MRTO4: variants seen among roughly 807,000 people sequenced by gnomAD.
MRTO4 encodes mRNA turnover protein 4 homolog.
MRTO4 carries 7 observed loss-of-function variants against 28.6 expected under a neutral mutation model. The observed-to-expected ratio is 0.24, with a 90% CI of 0.14 to 0.46. The LOEUF is 0.46. Ranked by LOEUF, MRTO4 falls within the 20% of genes least tolerant of loss-of-function variation. The pLI, the probability that MRTO4 is intolerant of heterozygous loss-of-function variation, is 0.99. For missense variants in MRTO4, 302 were observed against 298.3 expected, an observed-to-expected ratio of 1.01 and a Z score of -0.09; for synonymous variants, 113 against 108.2, an observed-to-expected ratio of 1.04 and a Z score of -0.27.
chr1:19,252,062 G>A (rs2093661965), intron 1 of MRTO4, 199 bp downstream of exon 1: 3 of 747,606 alleles, frequency 4.0e-6, no homozygotes, highest in East Asian at 2.9e-5. Flanking sequence ...GGTCGGGTCT[G>A]GGGAGCGGAG....
At chr1:19,252,084 C>G (rs992730984) in intron 1 of MRTO4, 2 of 639,306 alleles carry the variant, frequency 3.1e-6, no homozygotes, top group Admixed American at 6.7e-5. Flanking sequence ...CTCGTTTTGC[C>G]TAGTTTCAGG....
chr1:19,253,239 G>A (rs764677829), intron 1 of MRTO4, among the ~76,000 whole-genome samples: 1 of 152,214 alleles, frequency 6.6e-6, no homozygotes, highest in African/African-American at 2.4e-5. Flanking sequence ...AAGAAAGGAA[G>A]CGAGCAACCT....
rs1380357457 is a variant in MRTO4, at chr1:19,251,858, A to C, written c.23A>C (p.Lys8Thr). The C allele has an allele frequency of 1.7e-5, 27 of 1,591,906 alleles. No homozygotes were observed. The East Asian group carries it at 5.7e-4, about 34-fold the overall frequency. Residue 8 changes from lysine (K) to threonine (T), a missense_variant, in exon 1 of 8, where the codon AAG (lysine) becomes ACG (threonine). Coordinates refer to ENST00000330263, the MANE Select transcript of MRTO4 (RefSeq NM_016183.4). Reference sequence around the variant, plus strand: ...GCGATGCCCAAATCCAAGCGCGACAAGAAAGGTGGGCGAAGGGGGAGTCGG... The same window carrying C: ...GCGATGCCCAAATCCAAGCGCGACACGAAAGGTGGGCGAAGGGGGAGTCGG... MPKSKRDKKVSLTKTAKK... is the reference protein window; with the variant it reads MPKSKRDTKVSLTKTAKK...
In MRTO4 at chr1:19,258,557, AGTCTGGCGC is replaced by A. The variant is rs2093675115; in HGVS notation, c.570+5_570+13del. On this transcript the variant is annotated splice_donor_5th_base_variant and intron_variant, in intron 7 of 7. Coordinates refer to ENST00000330263, the MANE Select transcript of MRTO4 (RefSeq NM_016183.4). ...CCCAGAGCAGGCTCGCGTCCTGGTG[AGTCTGGCGC>A]CTTGCGGGCTGTTGCGGGCGGGGTT... is the stretch of plus-strand genomic sequence containing the variant. The A allele has an allele frequency of 1.2e-6, 2 of 1,613,878 alleles. No homozygotes were observed. Among genetic ancestry groups the A allele is most frequent in the Admixed American group, 1.7e-5 (1 of 60,006 alleles).
At position 19,256,010 on chromosome 1, in the gene MRTO4, C is replaced by T; in HGVS notation, c.150C>T (p.Asn50=). The change falls in exon 3 of 8, where the codon AAC becomes AAT. Residue 50 remains asparagine, a synonymous_variant. Transcript: ENST00000330263. ...LFIFSVANMR[N]SKLKDIRNAW... Reference sequence around the variant, plus strand: ...TCTTCTCTGTGGCCAACATGAGGAACAGCAAGCTGAAGGACATCCGGAACG... The same window carrying T: ...TCTTCTCTGTGGCCAACATGAGGAATAGCAAGCTGAAGGACATCCGGAACG... 1 of 1,614,088 alleles carries T rather than the reference C, an allele frequency of 6.2e-7. No individual in the cohort carries two copies. The highest frequency in any genetic ancestry group is 8.5e-7 in the Non-Finnish European group (1 of 1,180,022).
chr1:19,259,608 A>C lies in MRTO4; in HGVS notation c.*778A>C, dbSNP rs565626720. ...CAGTTTGCCTTGTCAGCCAACTTCC[A>C]CTGGCTGCCTTGGCACTGCCATGAC... On this transcript the variant is annotated 3_prime_UTR_variant, in exon 8 of 8. Coordinates refer to ENST00000330263, the MANE Select transcript of MRTO4 (RefSeq NM_016183.4). 3 of 152,368 alleles carry C rather than the reference A, an allele frequency of 2.0e-5. No individual in the cohort carries two copies. The highest frequency in any genetic ancestry group is 7.2e-5 in the African/African-American group (3 of 41,540). The allele number at this position is 152,368 out of a possible 1,614,324, so 9.4% of individuals were successfully genotyped here.
In MRTO4 at chr1:19,258,888, A is replaced by C. The variant is rs1347139024; in HGVS notation, c.*58A>C. The C allele has an allele frequency of 3.2e-6, 5 of 1,571,856 alleles. No individual in the cohort carries two copies. In the East Asian group the frequency reaches 1.1e-4, roughly 36 times the overall value. ...TTCTGGGTCTCACTGGACCATCAGG[A>C]CTGCTGCCGCCCCTCTGGAGAGAGC... On this transcript the variant is annotated 3_prime_UTR_variant, in exon 8 of 8. Coordinates refer to ENST00000330263, the MANE Select transcript of MRTO4 (RefSeq NM_016183.4).
chr1:19,252,405 G>C (rs1014122666), intron 1 of MRTO4, among the ~76,000 whole-genome samples: 1 of 152,170 alleles, frequency 6.6e-6, no homozygotes, highest in Non-Finnish European at 1.5e-5. Flanking sequence ...TGGCGCGATC[G>C]TAACACTGCA....
At chr1:19,254,715 A>G in intron 1 of MRTO4, 67 bp from the exon 2 acceptor site, 2 of 1,316,864 alleles carry the variant, frequency 1.5e-6, no homozygotes, top group South Asian at 1.2e-5. Context: ...CAAAGGGGAG[A>G]AGAAAATAAG....
chr1:19,258,023 G>A (rs762911325), intron 6 of MRTO4, 39 bp downstream of exon 6: 3 of 1,601,594 alleles, frequency 1.9e-6, no homozygotes, highest in Non-Finnish European at 2.6e-6. Flanking sequence ...ACAGCCTAGA[G>A]TCCAAGAGCA....
Position 19,251,887 on chromosome 1 carries a change from C to G in MRTO4, c.28+24C>G, listed in dbSNP as rs41273201. 7,547 of 1,588,086 alleles carry G rather than the reference C, an allele frequency of 4.8e-3. 30 individuals carry two copies. The highest frequency in any genetic ancestry group is 5.8e-3 in the Non-Finnish European group (6,831 of 1,168,010). The stretch of plus-strand genomic sequence containing the variant: ...AGGTGGGCGAAGGGGGAGTCGGGAC[C>G]CTGGGGGGAGCTCCGTGGGCTGGCT... On this transcript the variant is annotated intron_variant, in intron 1 of 7. Coordinates refer to ENST00000330263, the MANE Select transcript of MRTO4 (RefSeq NM_016183.4).
rs2093668833 is a variant in MRTO4, at chr1:19,254,668, T to C, written c.29-114T>C. On this transcript the variant is annotated intron_variant, in intron 1 of 7. Coordinates refer to ENST00000330263, the MANE Select transcript of MRTO4 (RefSeq NM_016183.4). ...ATGGCCACAAAGGCCTTGCTGCCTT[T>C]TTTCAGAATGGCTGCATCCAGCTGA... The C allele has an allele frequency of 5.5e-6, 5 of 915,700 alleles. No homozygotes were observed. The South Asian group carries it at 5.5e-5, about 10-fold the overall frequency. 56.7% of individuals were successfully genotyped at this position (915,700 alleles called of 1,614,324 possible).
chr1:19,254,407 C>A (rs1055856050), intron 1 of MRTO4, among the ~76,000 whole-genome samples: 5 of 151,528 alleles, frequency 3.3e-5, no homozygotes, highest in African/African-American at 4.8e-5. Context: ...AAAAAAAAAA[C>A]AAAAAACAGG....
intron 1 of MRTO4, among the ~76,000 whole-genome samples, chr1:19,254,193 C>T (rs144437138): frequency 5.8e-4 from 89 of 152,276 alleles, no homozygotes; most frequent in African/African-American, 1.9e-3. Context: ...GGCAACATGG[C>T]AAAAGCCATC....
chr1:19,257,843 A>G lies in MRTO4; in HGVS notation c.352A>G (p.Lys118Glu). The change falls in exon 6 of 8, where the codon AAA becomes GAA. Residue 118 changes from lysine (K) to glutamate (E), a missense_variant. Transcript: ENST00000330263. ...TKEEVNEWFT[K>E]YTEMDYARAG... The stretch of plus-strand genomic sequence containing the variant: ...TCTCTTTTCCCTTAGGTGGTTCACG[A>G]AATACACAGAAATGGACTACGCCCG... 1 of 1,613,050 alleles carries G rather than the reference A, an allele frequency of 6.2e-7. No individual in the cohort carries two copies. The highest frequency in any genetic ancestry group is 1.7e-5 in the Admixed American group (1 of 60,022).
At chr1:19,255,352 T>A (rs2093669854) in intron 2 of MRTO4, among the ~76,000 whole-genome samples, 1 of 150,512 alleles carries the variant, frequency 6.6e-6, no homozygotes, top group African/African-American at 2.4e-5. Flanking sequence ...AAAAAAAAAC[T>A]AGCTGGACGT....
chr1:19,258,454 CTG>C (rs1491255431), intron 6 of MRTO4, 21 bp from the exon 7 acceptor site: 11 of 1,612,952 alleles, frequency 6.8e-6, no homozygotes, highest in Middle Eastern at 1.6e-4. Context: ...CCAGAGGTAA[CTG>C]AGAGCCACCC....
chr1:19,252,822 T>C (rs1016445597), intron 1 of MRTO4, among the ~76,000 whole-genome samples: 2 of 152,148 alleles, frequency 1.3e-5, no homozygotes, highest in African/African-American at 4.8e-5. Context: ...AGCTAGGTTT[T>C]TTTTGTTTAT....
intron 1 of MRTO4, 88 bp from the exon 2 acceptor site, chr1:19,254,694 G>A (rs2093668877): frequency 9.1e-7 from 1 of 1,095,094 alleles, no homozygotes; most frequent in Non-Finnish European, 1.4e-6. Flanking sequence ...ATCCAGCTGA[G>A]TGCTCTCTGC....
Sources: gnomAD v4.1 joint callset for allele counts (sites outside exome capture counted in the v4.1 genomes callset) on GRCh38, gnomAD v4.1.1 for gene constraint, MANE v1.5 for transcripts, NCBI Gene and HGNC (gene_info 2026-07-23, HGNC 2026-07-21) for gene names.